PARD3B: variants seen among roughly 807,000 people sequenced by gnomAD.
The protein encoded by PARD3B is partitioning defective 3 homolog B.
A neutral mutation model predicts 130.2 loss-of-function variants in PARD3B; 103 were observed. The observed-to-expected ratio is 0.79, with a 90% CI of 0.67 to 0.93. The LOEUF (loss-of-function observed/expected upper bound fraction) is 0.93. PARD3B is among the 40% of genes least tolerant of loss of function. The pLI is 0.00. For missense variants in PARD3B, 1,609 were observed against 1,499.2 expected (o/e 1.07, Z -1.21); for synonymous variants, 583 against 553.2 (o/e 1.05, Z -0.76).
chr2:204,612,354 C>T (rs960812394), intron 1 of PARD3B, among the ~76,000 whole-genome samples: 3 of 152,202 alleles, frequency 2.0e-5, no homozygotes, highest in African/African-American at 7.2e-5. Flanking sequence ...GAGTATAGAC[C>T]TGTAGGTGGA....
intron 3 of PARD3B, among the ~76,000 whole-genome samples, chr2:205,017,116 A>C (rs1278734745): frequency 6.6e-6 from 1 of 152,174 alleles, no homozygotes; most frequent in East Asian, 1.9e-4. Context: ...CATAAAGGGA[A>C]TGAGACAGTT....
At chr2:204,884,232 A>G (rs2046188221) in intron 2 of PARD3B, among the ~76,000 whole-genome samples, 1 of 152,166 alleles carries the variant, frequency 6.6e-6, no homozygotes, top group Non-Finnish European at 1.5e-5. Context: ...ATATTAATAG[A>G]TTATGTCTAC....
intron 2 of PARD3B, among the ~76,000 whole-genome samples, chr2:204,686,876 A>C (rs2037110259): frequency 6.6e-6 from 1 of 152,174 alleles, no homozygotes; most frequent in Admixed American, 6.6e-5. Flanking sequence ...CTGAGACTAT[A>C]CAGAGGAAGG....
At chr2:204,794,500 C>A (rs974645819) in intron 2 of PARD3B, among the ~76,000 whole-genome samples, 1 of 152,012 alleles carries the variant, frequency 6.6e-6, no homozygotes, top group Admixed American at 6.6e-5. Context: ...TGCTGATTAC[C>A]GTGGTGGAAA....
At chr2:205,365,891 A>G (rs1042783670) in intron 18 of PARD3B, among the ~76,000 whole-genome samples, 6 of 152,234 alleles carry the variant, frequency 3.9e-5, no homozygotes, top group African/African-American at 1.4e-4. Context: ...ACAGGGTGCC[A>G]ATTCAGTAGT....
chr2:205,092,219 C>A (rs2125542188), intron 4 of PARD3B, among the ~76,000 whole-genome samples: 1 of 152,090 alleles, frequency 6.6e-6, no homozygotes, highest in Non-Finnish European at 1.5e-5. Flanking sequence ...GCTGAAGGAC[C>A]AACTTGGAGA....
intron 18 of PARD3B, among the ~76,000 whole-genome samples, chr2:205,349,520 A>T (rs577439740): frequency 6.6e-6 from 1 of 152,204 alleles, no homozygotes; most frequent in Non-Finnish European, 1.5e-5. Flanking sequence ...TCCTAGCATG[A>T]TGCAAACATC....
Position 205,269,824 on chromosome 2 carries a change from G to A in PARD3B, c.2185+24002G>A, listed in dbSNP as rs972995141. 5.9e-5 allele frequency among the ~76,000 whole-genome samples: 9 copies of A among 152,122 alleles called. No individual in the cohort carries two copies. On this transcript the variant is annotated intron_variant, in intron 16 of 22. Transcript: ENST00000406610. This position sits in a 1 kb window ranked among gnomAD's most constrained non-coding sequence, Gnocchi z 4.7. ...TTCTCTCCTACTGGCATGTATCATA[G>A]ACTCAGTATTTTCTAGAGAATTATC...
chr2:204,883,454 T>A (rs1428682971), intron 2 of PARD3B, among the ~76,000 whole-genome samples: 1 of 99,482 alleles, frequency 1.0e-5, no homozygotes, highest in Non-Finnish European at 1.8e-5. Context: ...TATATATATA[T>A]ATTTTTTTTT....
At chr2:204,566,332 G>C (rs190010634) in intron 1 of PARD3B, among the ~76,000 whole-genome samples, 299 of 152,314 alleles carry the variant, frequency 2.0e-3, no homozygotes, top group African/African-American at 6.9e-3. Flanking sequence ...CATTTGAGGA[G>C]TTACTGTGTC....
At chr2:205,545,694 C>CA (rs36032808) in intron 21 of PARD3B, among the ~76,000 whole-genome samples, 1 of 151,846 alleles carries the variant, frequency 6.6e-6, no homozygotes, top group African/African-American at 2.4e-5. Flanking sequence ...ACAAGATTGG[C>CA]AAAAAATGTG....
chr2:204,762,921 C>T (rs181543792), intron 2 of PARD3B, among the ~76,000 whole-genome samples: 38 of 152,088 alleles, frequency 2.5e-4, no homozygotes, highest in African/African-American at 3.6e-4. Context: ...CCACCATGCC[C>T]GGCTAATTTT....
Position 205,244,425 on chromosome 2 carries a change from A to C in PARD3B, c.2141-1353A>C, listed in dbSNP as rs2039482952. Reference sequence around the variant, plus strand: ...AGTGATGATCTATGCAGAGATGCTTAAGGATTAAGAACTTTGCATCTGTGT... The same window carrying C: ...AGTGATGATCTATGCAGAGATGCTTCAGGATTAAGAACTTTGCATCTGTGT... On this transcript the variant is annotated intron_variant, in intron 15 of 22. Coordinates refer to ENST00000406610, the MANE Select transcript of PARD3B (RefSeq NM_001302769.2). The surrounding 1 kb of genome is among the most constrained non-coding windows in gnomAD (Gnocchi z 4.7). 6.6e-6 allele frequency among the ~76,000 whole-genome samples: 1 copy of C among 152,244 alleles called. No individual in the cohort carries two copies. The highest frequency in any genetic ancestry group is 1.5e-5 in the Non-Finnish European group (1 of 68,054).
At chr2:204,980,631 T>G (rs544016411) in intron 3 of PARD3B, among the ~76,000 whole-genome samples, 2 of 152,304 alleles carry the variant, frequency 1.3e-5, no homozygotes, top group African/African-American at 4.8e-5. Flanking sequence ...GAGCAGGGCA[T>G]TTCACCTCAA....
intron 21 of PARD3B, among the ~76,000 whole-genome samples, chr2:205,516,431 C>T (rs182495516): frequency 0.034 from 5,167 of 151,904 alleles, 169 homozygotes; most frequent in South Asian, 0.13. Context: ...ATCTCTGATT[C>T]CTTTGTAATT....
chr2:205,424,234 G>A (rs1265302724), intron 19 of PARD3B, among the ~76,000 whole-genome samples: 1 of 152,134 alleles, frequency 6.6e-6, no homozygotes, highest in Non-Finnish European at 1.5e-5. Context: ...TTCAGAATAT[G>A]AGTGCCCTAT....
intron 4 of PARD3B, among the ~76,000 whole-genome samples, chr2:205,070,843 G>A (rs1354517780): frequency 6.6e-6 from 1 of 152,058 alleles, no homozygotes; most frequent in Non-Finnish European, 1.5e-5. Flanking sequence ...ATTTTATGCT[G>A]AAATACTAAT....
chr2:205,577,062 G>A (rs1312506441), intron 22 of PARD3B, among the ~76,000 whole-genome samples: 1 of 152,080 alleles, frequency 6.6e-6, no homozygotes, highest in Non-Finnish European at 1.5e-5. Flanking sequence ...TATATAAATG[G>A]TATTGTGTTT....
chr2:204,720,805 A>C (rs553161498), intron 2 of PARD3B, among the ~76,000 whole-genome samples: 1 of 152,096 alleles, frequency 6.6e-6, no homozygotes, highest in Admixed American at 6.6e-5. Flanking sequence ...TGGAATGTTT[A>C]TTTCTTTCTC....
Sources: allele counts gnomAD v4.1 joint callset (sites outside exome capture counted in the v4.1 genomes callset), GRCh38; gene constraint gnomAD v4.1.1; non-coding constraint Gnocchi (gnomAD v3.1); transcripts MANE v1.5; gene names NCBI Gene and HGNC (gene_info 2026-07-23, HGNC 2026-07-21).